Variants in WASF1 observed in about 807,000 individuals in gnomAD.
WASF1 encodes actin-binding protein WASF1.
A neutral mutation model predicts 50.5 loss-of-function variants in WASF1; 7 were observed. That is an observed-to-expected ratio of 0.14 (90% CI 0.08 to 0.26). The LOEUF is 0.26. Ranked by LOEUF, WASF1 falls within the 10% of genes least tolerant of loss-of-function variation. The pLI is 1.00. For missense variants in WASF1, 470 were observed against 694.7 expected, an observed-to-expected ratio of 0.68 and a Z score of 3.64; for synonymous variants, 205 against 244.0, an observed-to-expected ratio of 0.84 and a Z score of 1.49.
chr6:110,160,126 T>C (rs1284729032), intron 3 of WASF1, among the ~76,000 whole-genome samples: 1 of 151,916 alleles, frequency 6.6e-6, no homozygotes, highest in African/African-American at 2.4e-5. Flanking sequence ...TTAAAAATGT[T>C]AGTTATACTT....
At chr6:110,176,759 A>G (rs1305450764) in intron 2 of WASF1, among the ~76,000 whole-genome samples, 1 of 152,106 alleles carries the variant, frequency 6.6e-6, no homozygotes, top group Non-Finnish European at 1.5e-5. Flanking sequence ...CCACGACTTT[A>G]CTGCATTTAC....
intron 3 of WASF1, among the ~76,000 whole-genome samples, chr6:110,159,832 C>T (rs1776188011): frequency 6.6e-6 from 1 of 151,740 alleles, no homozygotes; most frequent in Non-Finnish European, 1.5e-5. Context: ...GTTTTAAGTA[C>T]CTACACGTGA....
At chr6:110,122,557 C>G (rs1774188445) in intron 4 of WASF1, among the ~76,000 whole-genome samples, 1 of 152,208 alleles carries the variant, frequency 6.6e-6, no homozygotes, top group Non-Finnish European at 1.5e-5. Context: ...GCAAGACAAA[C>G]TCCTCCTTTT....
intron 3 of WASF1, among the ~76,000 whole-genome samples, chr6:110,131,445 A>G (rs980981086): frequency 6.6e-6 from 1 of 152,134 alleles, no homozygotes; most frequent in Middle Eastern, 3.2e-3. Context: ...ATGTATTTTT[A>G]AATCAGATTT....
intron 2 of WASF1, among the ~76,000 whole-genome samples, chr6:110,169,290 C>T (rs762013996): frequency 1.8e-4 from 28 of 152,100 alleles, no homozygotes; most frequent in Non-Finnish European, 3.7e-4. Flanking sequence ...ATCTCACTAA[C>T]TCAAATTCAA....
At chr6:110,150,799 G>A (rs1283223350) in intron 3 of WASF1, among the ~76,000 whole-genome samples, 1 of 152,206 alleles carries the variant, frequency 6.6e-6, no homozygotes, top group East Asian at 1.9e-4. Flanking sequence ...ACTTTGGGAG[G>A]CTGAGGCGGG....
chr6:110,127,776 C>T, intron 3 of WASF1, 147 bp from the exon 4 acceptor site: 1 of 641,462 alleles, frequency 1.6e-6, no homozygotes, highest in Non-Finnish European at 2.3e-6. Context: ...GGATTTTCTT[C>T]CCTCTCTGCC....
chr6:110,132,987 C>CACACACACACACA, intron 3 of WASF1, among the ~76,000 whole-genome samples: 3 of 141,780 alleles, frequency 2.1e-5, no homozygotes, highest in Non-Finnish European at 3.0e-5. Flanking sequence ...CACACACACA[C>CACACACACACACA]CATGGAATAC....
Position 110,100,357 on chromosome 6 carries a change from A to C in WASF1, c.*165T>G. The stretch of plus-strand genomic sequence containing the variant: ...AGCCACTGTAAAACATTTAGTTTGA[A>C]ATGTATGCTAATATTTTCCTTAGAA... On this transcript the variant is annotated 3_prime_UTR_variant, in exon 11 of 11. Transcript: ENST00000392589. 1.5e-6 allele frequency: 1 copy of C among 666,040 alleles called. No homozygotes were observed. The highest frequency in any genetic ancestry group is 2.4e-6 in the Non-Finnish European group (1 of 425,224). 41.3% of individuals were successfully genotyped at this position (666,040 alleles called of 1,614,324 possible). A position where few individuals can be genotyped will look rare whatever the true frequency, so the allele number is the denominator to read the frequency against.
chr6:110,122,796 T>C (rs1226094341), intron 4 of WASF1, among the ~76,000 whole-genome samples: 1 of 152,164 alleles, frequency 6.6e-6, no homozygotes, highest in African/African-American at 2.4e-5. Flanking sequence ...TTCTGGTCAA[T>C]AGTAGGCTAT....
intron 3 of WASF1, among the ~76,000 whole-genome samples, chr6:110,131,918 T>C (rs1262921979): frequency 1.3e-5 from 2 of 152,180 alleles, no homozygotes; most frequent in African/African-American, 4.8e-5. Flanking sequence ...GATTATCAAG[T>C]CACACATAAC....
At chr6:110,102,809 C>T (rs1054023107) in intron 9 of WASF1, among the ~76,000 whole-genome samples, 25 of 151,982 alleles carry the variant, frequency 1.6e-4, no homozygotes, top group Non-Finnish European at 4.4e-5. Flanking sequence ...TAATATTTCT[C>T]TATTAGAAAT....
At chr6:110,162,261 C>G (rs1321011328) in intron 2 of WASF1, among the ~76,000 whole-genome samples, 2 of 151,308 alleles carry the variant, frequency 1.3e-5, no homozygotes, top group East Asian at 3.9e-4. Flanking sequence ...AGAGTCGACT[C>G]TGACCTAATC....
chr6:110,138,242 C>T (rs576868934), intron 3 of WASF1, among the ~76,000 whole-genome samples: 1 of 152,350 alleles, frequency 6.6e-6, no homozygotes, highest in East Asian at 1.9e-4. Flanking sequence ...GCTTCCACCA[C>T]AGGAACCAGG....
intron 2 of WASF1, among the ~76,000 whole-genome samples, chr6:110,174,071 A>G (rs372008118): frequency 3.2e-4 from 48 of 152,274 alleles, no homozygotes; most frequent in African/African-American, 1.1e-3. Context: ...AACCTCACGT[A>G]GGCCCTCTGC....
chr6:110,161,195 CTTATG>C (rs954308747), intron 2 of WASF1, among the ~76,000 whole-genome samples: 1 of 151,498 alleles, frequency 6.6e-6, no homozygotes, highest in African/African-American at 2.4e-5. Flanking sequence ...TACCTTTTTA[CTTATG>C]TTATAGTCTT....
At chr6:110,126,148 A>G (rs962743723) in intron 4 of WASF1, among the ~76,000 whole-genome samples, 2 of 152,194 alleles carry the variant, frequency 1.3e-5, no homozygotes, top group Non-Finnish European at 2.9e-5. Flanking sequence ...TATATAAAAC[A>G]AATTTTATAT....
chr6:110,167,955 T>C (rs1034170264), intron 2 of WASF1, among the ~76,000 whole-genome samples: 2 of 152,058 alleles, frequency 1.3e-5, no homozygotes, highest in African/African-American at 4.8e-5. Flanking sequence ...ACTGAGTATT[T>C]AATGAAAAAC....
chr6:110,126,621 T>C (rs903917857), intron 4 of WASF1, among the ~76,000 whole-genome samples: 1 of 152,208 alleles, frequency 6.6e-6, no homozygotes, highest in Non-Finnish European at 1.5e-5. Flanking sequence ...GAGATAAATC[T>C]AGGACCACTT....
Sources: allele counts gnomAD v4.1 joint callset (sites outside exome capture counted in the v4.1 genomes callset), GRCh38; gene constraint gnomAD v4.1.1; transcripts MANE v1.5; gene names NCBI Gene and HGNC (gene_info 2026-07-23, HGNC 2026-07-21).